The following SCN3A variants were observed in gnomAD, a reference collection of about 807,000 sequenced individuals.
SCN3A encodes sodium voltage-gated channel alpha subunit 3.
A neutral mutation model predicts 187.6 loss-of-function variants in SCN3A; 60 were observed. The ratio of observed to expected loss-of-function variants is 0.32; its 90% CI spans 0.26 to 0.40. SCN3A has a LOEUF of 0.40. SCN3A is among the 10% of genes least tolerant of loss of function. SCN3A has a pLI of 1.00. For synonymous variants in SCN3A, 788 were observed against 829.2 expected, an observed-to-expected ratio of 0.95 and a Z score of 0.85; for missense variants, 1,601 against 2,428.2, an observed-to-expected ratio of 0.66 and a Z score of 7.16.
At chr2:165,118,637 A>G (rs950919841) in intron 18 of SCN3A, among the ~76,000 whole-genome samples, 3 of 151,936 alleles carry the variant, frequency 2.0e-5, no homozygotes, top group Non-Finnish European at 2.9e-5. Context: ...CCCAGACTGG[A>G]GTGCTGTGGC....
chr2:165,164,634 T>C (rs926075143), intron 5 of SCN3A, 114 bp from the exon 6 acceptor site: 3 of 1,164,504 alleles, frequency 2.6e-6, no homozygotes, highest in Non-Finnish European at 3.7e-6. Context: ...TAAAATATTG[T>C]TCCTTACTTC....
chr2:165,199,765 G>C (rs1042440887), intron 1 of SCN3A, among the ~76,000 whole-genome samples: 121 of 152,080 alleles, frequency 8.0e-4, no homozygotes, highest in African/African-American at 2.8e-3. Flanking sequence ...AAGTATGTCT[G>C]TGCTTAGTAA....
chr2:165,182,974 C>CAAA (rs745609592), intron 2 of SCN3A, among the ~76,000 whole-genome samples: 2,005 of 86,962 alleles, frequency 0.023, 33 homozygotes, highest in African/African-American at 0.053. Flanking sequence ...AAGACCTTGT[C>CAAA]AAAAAAAAAA....
intron 11 of SCN3A, among the ~76,000 whole-genome samples, chr2:165,147,429 G>A (rs1176751226): frequency 6.6e-6 from 1 of 152,066 alleles, no homozygotes; most frequent in Non-Finnish European, 1.5e-5. Context: ...CTTCTGAGCA[G>A]CTGAGTCGTA....
At chr2:165,159,245 G>A (rs985773703) in intron 9 of SCN3A, among the ~76,000 whole-genome samples, 1 of 138,222 alleles carries the variant, frequency 7.2e-6, no homozygotes, top group Non-Finnish European at 1.5e-5. Flanking sequence ...CTATATACTC[G>A]TGTGGGGTAT....
At chr2:165,125,606 C>T (rs918896640) in intron 18 of SCN3A, among the ~76,000 whole-genome samples, 9 of 152,100 alleles carry the variant, frequency 5.9e-5, no homozygotes, top group Non-Finnish European at 1.0e-4. Context: ...CGTGAGCTAC[C>T]GCACCCAGCC....
At chr2:165,184,566 C>A (rs1015197485) in intron 2 of SCN3A, among the ~76,000 whole-genome samples, 3 of 145,400 alleles carry the variant, frequency 2.1e-5, no homozygotes, top group African/African-American at 2.5e-5. Flanking sequence ...TTTGCTGAAA[C>A]AAAATTAGGA....
intron 2 of SCN3A, among the ~76,000 whole-genome samples, chr2:165,184,527 A>T (rs1465635178): frequency 6.6e-6 from 1 of 151,032 alleles, no homozygotes; most frequent in Non-Finnish European, 1.5e-5. Flanking sequence ...CTAGGTACCT[A>T]AGCCTGCAAA....
intron 1 of SCN3A, among the ~76,000 whole-genome samples, chr2:165,199,831 G>A (rs1353391616): frequency 3.9e-5 from 6 of 151,940 alleles, no homozygotes; most frequent in Non-Finnish European, 5.9e-5. Flanking sequence ...ATTCTGCTCC[G>A]AAATAGGTGT....
In SCN3A at chr2:165,142,501, C is replaced by G. The variant is rs189584105; in HGVS notation, c.1672-1503G>C. 6.3e-3 allele frequency among the ~76,000 whole-genome samples: 952 copies of G among 152,278 alleles called. 7 individuals carry two copies. Among genetic ancestry groups the G allele is most frequent in the Middle Eastern group, 0.014 (4 of 294 alleles). On this transcript the variant is annotated intron_variant, in intron 12 of 27. Coordinates refer to ENST00000283254, the MANE Select transcript of SCN3A (RefSeq NM_006922.4). ...ATTCTCCACAGGAACTATTGGCTGTCCAGCTTGTCCATCGGAGGCTGTGTC... is the reference window on the plus strand; with the variant it reads ...ATTCTCCACAGGAACTATTGGCTGTGCAGCTTGTCCATCGGAGGCTGTGTC...
chr2:165,171,937 C>A (rs189364720), intron 3 of SCN3A, among the ~76,000 whole-genome samples: 137 of 152,114 alleles, frequency 9.0e-4, no homozygotes, highest in African/African-American at 2.9e-3. Flanking sequence ...CTTAAAGATA[C>A]TATTTACCTT....
At chr2:165,153,485 A>G (rs1045583056) in intron 11 of SCN3A, among the ~76,000 whole-genome samples, 3 of 152,214 alleles carry the variant, frequency 2.0e-5, no homozygotes, top group African/African-American at 7.2e-5. Flanking sequence ...GTGATATAGG[A>G]CTTACATCCC....
chr2:165,165,955 A>G (rs889292511), intron 5 of SCN3A, among the ~76,000 whole-genome samples: 8 of 152,196 alleles, frequency 5.3e-5, no homozygotes, highest in Admixed American at 3.3e-4. Context: ...ATATTTTACA[A>G]TATCAAGCTT....
Position 165,097,411 on chromosome 2 carries a change from C to T in SCN3A, c.4080G>A (p.Lys1360=). 4 of 1,614,004 alleles carry T rather than the reference C, an allele frequency of 2.5e-6. No homozygotes were observed. The highest frequency in any genetic ancestry group is 3.4e-6 in the Non-Finnish European group (4 of 1,179,978). ...TTGTCATGTTAACACAGTGGTAGAA[C>T]TTGCCAGCAAACAAATTCACACCCA... ...SIMGVNLFAG[K]FYHCVNMTTG... is the part of the protein sequence containing the mutation. The change falls in exon 23 of 28, where the codon AAG becomes AAA. Residue 1360 remains lysine (K), a synonymous_variant. Coordinates refer to ENST00000283254, the MANE Select transcript of SCN3A (RefSeq NM_006922.4).
At chr2:165,180,313 G>C (rs1033651018) in intron 2 of SCN3A, among the ~76,000 whole-genome samples, 1 of 152,208 alleles carries the variant, frequency 6.6e-6, no homozygotes, top group Non-Finnish European at 1.5e-5. Context: ...CTGGGGCTGA[G>C]AGTCCAATGT....
chr2:165,121,299 G>A (rs1404156628), intron 18 of SCN3A, among the ~76,000 whole-genome samples: 1 of 152,066 alleles, frequency 6.6e-6, no homozygotes, highest in African/African-American at 2.4e-5. Flanking sequence ...GTCCAGAAGG[G>A]CATGTGCTCC....
At chr2:165,161,220 T>C (rs1463585120) in intron 9 of SCN3A, among the ~76,000 whole-genome samples, 1 of 149,488 alleles carries the variant, frequency 6.7e-6, no homozygotes, top group East Asian at 1.9e-4. Flanking sequence ...AATAAATTCT[T>C]ACAATTGTCC....
chr2:165,198,529 T>C (rs1460542034), intron 1 of SCN3A, among the ~76,000 whole-genome samples: 1 of 152,068 alleles, frequency 6.6e-6, no homozygotes, highest in African/African-American at 2.4e-5. Context: ...GATGATTCCA[T>C]TTAACAACAG....
At position 165,158,502 on chromosome 2, in the gene SCN3A, TTA is replaced by T. The variant is rs1689193334; in HGVS notation, c.1032-2601_1032-2600del. On this transcript the variant is annotated intron_variant, in intron 9 of 27. Coordinates refer to ENST00000283254, the MANE Select transcript of SCN3A (RefSeq NM_006922.4). ...AATGCATTAAGTTTCATATTCACCA[TTA>T]TAGAATCTTAGAGAACAGGTTCTCA... is the stretch of plus-strand genomic sequence containing the variant. Among the ~76,000 whole-genome samples, 2 of 136,706 alleles carry T rather than the reference TTA, an allele frequency of 1.5e-5. 1 individual carries two copies. Among genetic ancestry groups the T allele is most frequent in the Non-Finnish European group, 3.0e-5 (2 of 66,468 alleles). 89.7% of individuals were successfully genotyped at this position (136,706 alleles called of 152,430 possible). A position where few individuals can be genotyped will look rare whatever the true frequency, so the allele number is the denominator to read the frequency against.
Sources: allele counts gnomAD v4.1 joint callset (sites outside exome capture counted in the v4.1 genomes callset), GRCh38; gene constraint gnomAD v4.1.1; transcripts MANE v1.5; gene names NCBI Gene and HGNC (gene_info 2026-07-23, HGNC 2026-07-21).